KIFAP3: variants seen among roughly 807,000 people sequenced by gnomAD.
KIFAP3 encodes the protein kinesin associated protein 3, also known as kinesin-associated protein 3.
KIFAP3 carries 68 observed loss-of-function variants against 106.5 expected under a neutral mutation model. That is an observed-to-expected ratio of 0.64 (90% CI 0.53 to 0.78). The LOEUF is 0.78. KIFAP3 is among the 30% of genes least tolerant of loss of function. KIFAP3 has a pLI of 0.00. For missense variants in KIFAP3, 780 were observed against 941.8 expected, an observed-to-expected ratio of 0.83 and a Z score of 2.25; for synonymous variants, 320 against 311.5, an observed-to-expected ratio of 1.03 and a Z score of -0.29.
intron 8 of KIFAP3, 81 bp downstream of exon 8, chr1:170,031,805 C>A: frequency 2.4e-6 from 2 of 840,032 alleles, no homozygotes; most frequent in Non-Finnish European, 3.9e-6. Flanking sequence ...ATTAGCTTTA[C>A]AGGTATGATA....
At chr1:169,972,741 G>A in intron 16 of KIFAP3, 143 bp from the exon 17 acceptor site, 1 of 497,550 alleles carries the variant, frequency 2.0e-6, no homozygotes, top group Non-Finnish European at 3.5e-6. Flanking sequence ...AATACAAGAT[G>A]ACCAAAAACA....
At chr1:169,922,799 T>C (rs1297337218) in intron 19 of KIFAP3, among the ~76,000 whole-genome samples, 1 of 152,194 alleles carries the variant, frequency 6.6e-6, no homozygotes, top group Non-Finnish European at 1.5e-5. Context: ...GATTTAAGAT[T>C]TAAGTTTGCA....
At position 169,984,736 on chromosome 1, in the gene KIFAP3, A is replaced by G. The variant is rs755583200; in HGVS notation, c.1285-46T>C. ...CATTTTACTCAAGAAACAAAGACAA[A>G]AAACCAAACACAGAAGCAATATTTT... On this transcript the variant is annotated intron_variant, in intron 11 of 19. Coordinates refer to ENST00000361580, the MANE Select transcript of KIFAP3 (RefSeq NM_014970.4). The G allele has an allele frequency of 3.1e-6, 3 of 980,216 alleles. No homozygotes were observed. In the East Asian group the frequency reaches 7.3e-5, roughly 24 times the overall value. 60.7% of individuals were successfully genotyped at this position (980,216 alleles called of 1,614,324 possible).
intron 19 of KIFAP3, among the ~76,000 whole-genome samples, chr1:169,941,594 C>CT (rs1205379651): frequency 6.6e-6 from 1 of 151,918 alleles, no homozygotes. Context: ...AGCTGATTTC[C>CT]TTTTTTGATT....
At chr1:169,929,912 C>G (rs555188334) in intron 19 of KIFAP3, among the ~76,000 whole-genome samples, 1 of 152,162 alleles carries the variant, frequency 6.6e-6, no homozygotes, top group African/African-American at 2.4e-5. Flanking sequence ...AATTTAGTTA[C>G]TACACTGAGA....
chr1:169,960,692 A>G (rs1475396545), intron 18 of KIFAP3, among the ~76,000 whole-genome samples: 1 of 152,158 alleles, frequency 6.6e-6, no homozygotes, highest in Non-Finnish European at 1.5e-5. Flanking sequence ...TGATGAATAA[A>G]TTATGCATTT....
At chr1:169,968,737 AAAAG>A (rs982574075) in intron 17 of KIFAP3, among the ~76,000 whole-genome samples, 4 of 152,008 alleles carry the variant, frequency 2.6e-5, no homozygotes, top group African/African-American at 9.6e-5. Context: ...ACCACAAAGT[AAAAG>A]AAATAACTAA....
chr1:170,043,666 G>A lies in KIFAP3; in HGVS notation c.319+3046C>T, dbSNP rs185191816. ...AGGATCAAAGGACTTATCCCAGGACGATGGGAAGTTTTAACAGTTATCAAG... is the reference window on the plus strand; with the variant it reads ...AGGATCAAAGGACTTATCCCAGGACAATGGGAAGTTTTAACAGTTATCAAG... On this transcript the variant is annotated intron_variant, in intron 3 of 19. Transcript: ENST00000361580. Among the ~76,000 whole-genome samples, 277 of 152,274 alleles carry A rather than the reference G, an allele frequency of 1.8e-3. 1 individual carries two copies. Among genetic ancestry groups the A allele is most frequent in the African/African-American group, 6.5e-3 (270 of 41,548 alleles).
At chr1:170,023,032 C>T (rs76830396) in intron 9 of KIFAP3, among the ~76,000 whole-genome samples, 9,575 of 152,032 alleles carry the variant, frequency 0.063, 387 homozygotes, top group Non-Finnish European at 0.095. Flanking sequence ...CAAGGGGAAG[C>T]AATTATTTAG....
At chr1:170,012,785 A>G (rs1177534056) in intron 10 of KIFAP3, among the ~76,000 whole-genome samples, 1 of 152,156 alleles carries the variant, frequency 6.6e-6, no homozygotes, top group Non-Finnish European at 1.5e-5. Flanking sequence ...GAGGCCTCAC[A>G]ATCATGACCG....
intron 19 of KIFAP3, among the ~76,000 whole-genome samples, chr1:169,938,705 A>G (rs527533701): frequency 6.6e-6 from 1 of 152,320 alleles, no homozygotes; most frequent in African/African-American, 2.4e-5. Context: ...AGAATAAACA[A>G]GTGAACAAAA....
Position 169,922,266 on chromosome 1 carries a change from G to GCAGGGCCAAA in KIFAP3, c.2274-495_2274-486dup, listed in dbSNP as rs533921292. Among the ~76,000 whole-genome samples the GCAGGGCCAAA allele has an allele frequency of 2.3e-3, 352 of 152,280 alleles. 3 individuals are homozygous for GCAGGGCCAAA. In the South Asian group the frequency reaches 0.024, roughly 10 times the overall value. ...TTGAGTTATATCAGTGAACTCTCATGCAGGGCCAAATCATACCATAAGCCT... is the reference window on the plus strand; with the variant it reads ...TTGAGTTATATCAGTGAACTCTCATGCAGGGCCAAACAGGGCCAAATCATACCATAAGCCT... On this transcript the variant is annotated intron_variant, in intron 19 of 19. Transcript: ENST00000361580.
intron 10 of KIFAP3, among the ~76,000 whole-genome samples, chr1:170,004,007 CAA>C (rs1322206135): frequency 8.5e-5 from 13 of 152,086 alleles, no homozygotes; most frequent in Non-Finnish European, 1.8e-4. Context: ...GCAACTTCAG[CAA>C]AGTCTCAGGA....
chr1:169,950,237 A>G (rs1664657872), intron 19 of KIFAP3, among the ~76,000 whole-genome samples: 1 of 152,208 alleles, frequency 6.6e-6, no homozygotes, highest in South Asian at 2.1e-4. Flanking sequence ...AAACTGAAAC[A>G]TTAAGAAAAC....
chr1:169,929,896 C>A (rs554811204), intron 19 of KIFAP3, among the ~76,000 whole-genome samples: 1 of 152,134 alleles, frequency 6.6e-6, no homozygotes, highest in African/African-American at 2.4e-5. Flanking sequence ...GGGGAAAAAT[C>A]CTTTCAATTT....
At chr1:170,052,382 G>C (rs529306004) in intron 2 of KIFAP3, among the ~76,000 whole-genome samples, 52 of 152,188 alleles carry the variant, frequency 3.4e-4, no homozygotes, top group Non-Finnish European at 6.3e-4. Context: ...GCCAGGAACA[G>C]ATGGATTCAC....
intron 1 of KIFAP3, among the ~76,000 whole-genome samples, chr1:170,067,169 G>A (rs1053073782): frequency 6.6e-6 from 1 of 152,062 alleles, no homozygotes; most frequent in Non-Finnish European, 1.5e-5. Flanking sequence ...GAGACAAAAA[G>A]ATGTAAAACA....
chr1:169,993,209 G>A (rs1204443118), intron 10 of KIFAP3, among the ~76,000 whole-genome samples: 1 of 150,774 alleles, frequency 6.6e-6, no homozygotes, highest in Non-Finnish European at 1.5e-5. Flanking sequence ...CCAGGTTCAA[G>A]GGATTCTCCT....
chr1:169,970,847 TA>T (rs2101886771), intron 17 of KIFAP3, among the ~76,000 whole-genome samples: 1 of 152,122 alleles, frequency 6.6e-6, no homozygotes, highest in East Asian at 1.9e-4. Context: ...AGAATTTTCA[TA>T]GGTTTAAAGT....
Sources: gnomAD v4.1 joint callset for allele counts (sites outside exome capture counted in the v4.1 genomes callset) on GRCh38, gnomAD v4.1.1 for gene constraint, MANE v1.5 for transcripts, NCBI Gene and HGNC (gene_info 2026-07-23, HGNC 2026-07-21) for gene names.